Variants in TXNRD2 observed in about 807,000 individuals in gnomAD.
The protein encoded by TXNRD2 is thioredoxin reductase 2.
Under a neutral mutation model 70.8 loss-of-function variants are expected in TXNRD2, and 67 were observed. The observed-to-expected ratio is 0.95, with a 90% CI of 0.78 to 1.16. TXNRD2 has a LOEUF of 1.16. TXNRD2 is among the 50% of genes most tolerant of loss of function. TXNRD2 has a pLI of 0.00. For missense variants in TXNRD2, 644 were observed against 719.9 expected (o/e 0.89, Z 1.21); for synonymous variants, 301 against 295.8 (o/e 1.02, Z -0.18).
At chr22:19,881,301 T>C (rs1208052602) in intron 12 of TXNRD2, 1 of 390,128 alleles carries the variant, frequency 2.6e-6, no homozygotes, top group Non-Finnish European at 4.5e-6. Flanking sequence ...GAAATGCAGA[T>C]GTTGTTTGGC....
At chr22:19,928,439 T>G (rs1941234792) in intron 2 of TXNRD2, among the ~76,000 whole-genome samples, 1 of 152,112 alleles carries the variant, frequency 6.6e-6, no homozygotes, top group Admixed American at 6.6e-5. Context: ...AGTCTCAAGG[T>G]CATTACCCTG....
intron 8 of TXNRD2, among the ~76,000 whole-genome samples, chr22:19,904,735 G>A (rs1422678898): frequency 6.6e-6 from 1 of 152,126 alleles, no homozygotes; most frequent in African/African-American, 2.4e-5. Context: ...GAGCCTCCTT[G>A]GTGGAGGAGC....
At position 19,911,181 on chromosome 22, in the gene TXNRD2, C is replaced by G; in HGVS notation, c.662+196G>C. On this transcript the variant is annotated intron_variant, in intron 8 of 17. Transcript: ENST00000400521. ...CGAACTCCTGGCCTCAAGCAATCCT[C>G]CCGCTCAGTCTCCCAAAGTGCTAGG... is the stretch of plus-strand genomic sequence containing the variant. 5.8e-6 allele frequency: 4 copies of G among 687,194 alleles called. No homozygotes were observed. The East Asian group carries it at 1.1e-4, about 19-fold the overall frequency. The allele number at this position is 687,194 out of a possible 1,614,324, so 42.6% of individuals were successfully genotyped here.
intron 4 of TXNRD2, 130 bp downstream of exon 4, chr22:19,918,730 G>T: frequency 8.8e-7 from 1 of 1,131,304 alleles, no homozygotes; most frequent in Non-Finnish European, 1.3e-6. Flanking sequence ...ACAGCGCAGA[G>T]TCGCCCCTGG....
At chr22:19,924,175 T>C (rs1353745024) in intron 2 of TXNRD2, among the ~76,000 whole-genome samples, 1 of 152,004 alleles carries the variant, frequency 6.6e-6, no homozygotes, top group Non-Finnish European at 1.5e-5. Flanking sequence ...TCAGTGGTTT[T>C]GATGGATTAG....
At chr22:19,939,195 T>TA (rs34433567) in intron 1 of TXNRD2, among the ~76,000 whole-genome samples, 34,694 of 152,094 alleles carry the variant, frequency 0.23, 4,470 homozygotes, top group African/African-American at 0.35. Context: ...ACTGCCCTCA[T>TA]ACCTGATGAG....
intron 13 of TXNRD2, 117 bp from the exon 14 acceptor site, chr22:19,880,388 C>T (rs1195338397): frequency 1.7e-6 from 2 of 1,156,846 alleles, no homozygotes; most frequent in East Asian, 5.1e-5. Context: ...CCAGAGCAGG[C>T]TGCAAGCACA....
intron 11 of TXNRD2, chr22:19,888,065 G>C (rs889054601): frequency 1.7e-4 from 26 of 152,312 alleles, no homozygotes; most frequent in Admixed American, 1.7e-3. Flanking sequence ...CACTTCCTAT[G>C]TATATGTGTG....
Position 19,941,577 on chromosome 22 carries a change from T to TA in TXNRD2, c.103+123dup. On this transcript the variant is annotated intron_variant, in intron 1 of 17. Transcript: ENST00000400521. ...GAGCAAGACTAGACCAAGAGGCCGGTATGTGGACACCCCCGCGTGGGCACC... is the reference window on the plus strand; with the variant it reads ...GAGCAAGACTAGACCAAGAGGCCGGTAATGTGGACACCCCCGCGTGGGCACC... The TA allele has an allele frequency of 3.0e-6, 4 of 1,316,342 alleles. No individual in the cohort carries two copies. In the East Asian group the frequency reaches 9.6e-5, roughly 32 times the overall value. 81.5% of individuals were successfully genotyped at this position (1,316,342 alleles called of 1,614,324 possible).
chr22:19,881,079 A>C, intron 12 of TXNRD2: 1 of 462,802 alleles, frequency 2.2e-6, no homozygotes, highest in Admixed American at 3.7e-5. Flanking sequence ...AGCCCCTGCT[A>C]CCGTTTTCAT....
intron 6 of TXNRD2, 116 bp downstream of exon 6, chr22:19,915,649 T>C (rs1940602977): frequency 3.2e-6 from 3 of 951,806 alleles, no homozygotes; most frequent in East Asian, 2.4e-5. Context: ...GCCACCTTTT[T>C]GATTCCAGCA....
chr22:19,931,705 G>A (rs1941366519), intron 1 of TXNRD2, among the ~76,000 whole-genome samples: 1 of 152,110 alleles, frequency 6.6e-6, no homozygotes, highest in South Asian at 2.1e-4. Context: ...GTCTGGCTAT[G>A]TTGCCCAGGC....
At chr22:19,924,996 A>G (rs1364706244) in intron 2 of TXNRD2, among the ~76,000 whole-genome samples, 1 of 148,232 alleles carries the variant, frequency 6.7e-6, no homozygotes, top group East Asian at 2.0e-4. Context: ...AAAAAAAAAA[A>G]GCGGGGGGCC....
intron 8 of TXNRD2, among the ~76,000 whole-genome samples, chr22:19,901,573 T>C (rs1286637525): frequency 6.6e-6 from 1 of 152,206 alleles, no homozygotes; most frequent in Non-Finnish European, 1.5e-5. Context: ...ATTATGTGAA[T>C]GTTTACCCTT....
At chr22:19,920,693 T>C (rs1940868870) in intron 2 of TXNRD2, among the ~76,000 whole-genome samples, 1 of 152,236 alleles carries the variant, frequency 6.6e-6, no homozygotes, top group Non-Finnish European at 1.5e-5. Flanking sequence ...TGGACTTGAC[T>C]GCCTCCCAAG....
At chr22:19,881,586 G>C (rs1938784255) in intron 12 of TXNRD2, among the ~76,000 whole-genome samples, 1 of 152,228 alleles carries the variant, frequency 6.6e-6, no homozygotes, top group Non-Finnish European at 1.5e-5. Flanking sequence ...ATGCATTTCT[G>C]GCAAAACGGT....
chr22:19,879,217 G>C, intron 14 of TXNRD2, among the ~76,000 whole-genome samples: 1 of 152,234 alleles, frequency 6.6e-6, no homozygotes, highest in East Asian at 1.9e-4. Context: ...TGTTGATGGA[G>C]AGTTCTGGGG....
chr22:19,893,482 G>A (rs1359806472), intron 11 of TXNRD2, among the ~76,000 whole-genome samples: 8 of 152,326 alleles, frequency 5.3e-5, no homozygotes, highest in South Asian at 4.1e-4. Context: ...TCCTTGCGGC[G>A]GCCCATCTGC....
intron 4 of TXNRD2, 83 bp from the exon 5 acceptor site, chr22:19,918,300 G>A: frequency 1.7e-6 from 2 of 1,204,030 alleles, no homozygotes; most frequent in Non-Finnish European, 2.4e-6. Context: ...AGATTCAAAT[G>A]GTACATTCAT....
Sources: allele counts gnomAD v4.1 joint callset (sites outside exome capture counted in the v4.1 genomes callset), GRCh38; gene constraint gnomAD v4.1.1; transcripts MANE v1.5; gene names NCBI Gene and HGNC (gene_info 2026-07-23, HGNC 2026-07-21).